Variants in ADGRG5 observed in about 807,000 individuals in gnomAD.
ADGRG5 encodes the protein G protein-coupled receptor 114.
ADGRG5 carries 37 observed loss-of-function variants against 53.2 expected under a neutral mutation model. The observed-to-expected ratio is 0.70, with a 90% CI of 0.53 to 0.91. The LOEUF (loss-of-function observed/expected upper bound fraction) is 0.91, where lower values mean the gene tolerates loss of function less well. Among genes scored for constraint, ADGRG5 ranks in the 40% least tolerant of loss-of-function variants. ADGRG5 has a pLI of 0.00. For missense variants in ADGRG5, 614 were observed against 675.8 expected (o/e 0.91, Z 1.01); for synonymous variants, 277 against 290.4 (o/e 0.95, Z 0.47).
intron 1 of ADGRG5, among the ~76,000 whole-genome samples, chr16:57,558,843 T>TTC (rs2032937914): frequency 1.3e-5 from 2 of 151,826 alleles, no homozygotes; most frequent in East Asian, 3.9e-4. Flanking sequence ...TGGCTTTTTT[T>TTC]TTTTTTTTGG....
upstream of ADGRG5, among the ~76,000 whole-genome samples, chr16:57,541,777 C>G (rs976743300): frequency 1.1e-4 from 16 of 152,340 alleles, no homozygotes; most frequent in South Asian, 2.9e-3. Flanking sequence ...CCAACACTCT[C>G]TCTCTATCCC....
At chr16:57,537,978 C>T (rs1200389840), upstream of ADGRG5, among the ~76,000 whole-genome samples, 1 of 152,100 alleles carries the variant, frequency 6.6e-6, no homozygotes, top group African/African-American at 2.4e-5. Flanking sequence ...GGTCCTACAG[C>T]CAGTAACAGC....
At chr16:57,548,706 A>T (rs956430520) in intron 1 of ADGRG5, among the ~76,000 whole-genome samples, 5 of 133,752 alleles carry the variant, frequency 3.7e-5, no homozygotes, top group Admixed American at 8.4e-5. Flanking sequence ...AGCATGCAAC[A>T]TTTTGAGATT....
At chr16:57,537,693 G>C (rs8061658), upstream of ADGRG5, among the ~76,000 whole-genome samples, 2,993 of 152,156 alleles carry the variant, frequency 0.02, 66 homozygotes, top group South Asian at 0.068. Flanking sequence ...CCTTGCAGAC[G>C]TTCCCTTTCT....
chr16:57,575,365 G>A (rs1002416998), intron 11 of ADGRG5, 73 bp from the exon 12 acceptor site: 29 of 1,411,514 alleles, frequency 2.1e-5, no homozygotes, highest in South Asian at 1.4e-4. Flanking sequence ...AGGCCAGCTC[G>A]CTGCAGCCAA....
At chr16:57,532,572 C>T in the ADGRG5 span, among the ~76,000 whole-genome samples, 3 of 152,128 alleles carry the variant, frequency 2.0e-5, no homozygotes, top group Admixed American at 6.5e-5. Context: ...AGGCACACAA[C>T]GACACGGGTG....
chr16:57,564,072 C>T (rs2033071026), intron 5 of ADGRG5, 93 bp downstream of exon 5: 2 of 1,419,018 alleles, frequency 1.4e-6, no homozygotes, highest in African/African-American at 2.8e-5. Context: ...TCTGGGTGAC[C>T]AGCACTGAGT....
At chr16:57,565,999 C>T (rs2033122223) in intron 6 of ADGRG5, 1 of 152,442 alleles carries the variant, frequency 6.6e-6, no homozygotes, top group African/African-American at 2.4e-5. Context: ...ACTATGGTTC[C>T]CTCCACCTGG....
chr16:57,565,555 TC>T (rs2033111986), intron 6 of ADGRG5: 1 of 294,016 alleles, frequency 3.4e-6, no homozygotes, highest in African/African-American at 2.2e-5. Context: ...GAGCCAGACT[TC>T]CTTTCCCTCT....
intron 1 of ADGRG5, among the ~76,000 whole-genome samples, chr16:57,550,569 A>T (rs1427475696): frequency 6.6e-6 from 1 of 152,148 alleles, no homozygotes; most frequent in Non-Finnish European, 1.5e-5. Flanking sequence ...GTTTCTAAGA[A>T]ATCTTTGCAT....
At chr16:57,554,400 G>A (rs1219294931) in intron 1 of ADGRG5, among the ~76,000 whole-genome samples, 11 of 148,708 alleles carry the variant, frequency 7.4e-5, no homozygotes, top group East Asian at 5.9e-4. Flanking sequence ...TTTTCGAGAC[G>A]GAGTCTTGCT....
chr16:57,547,004 A>C (rs2032635156), intron 1 of ADGRG5, among the ~76,000 whole-genome samples: 1 of 151,952 alleles, frequency 6.6e-6, no homozygotes, highest in Non-Finnish European at 1.5e-5. Context: ...GAGCCACTGC[A>C]CCTGGCCTGT....
At chr16:57,571,415 C>G (rs1194996152) in intron 10 of ADGRG5, among the ~76,000 whole-genome samples, 1 of 151,746 alleles carries the variant, frequency 6.6e-6, no homozygotes, top group Non-Finnish European at 1.5e-5. Flanking sequence ...GGTCCAGAGC[C>G]TGGCCCCCAG....
chr16:57,572,816 G>C (rs1426037167), intron 10 of ADGRG5, among the ~76,000 whole-genome samples: 1 of 152,268 alleles, frequency 6.6e-6, no homozygotes, highest in Non-Finnish European at 1.5e-5. Context: ...AAAGTGAGTG[G>C]TCGCCTACCA....
In ADGRG5 at chr16:57,562,160, A is replaced by G; in HGVS notation, c.64+3A>G. Reference sequence around the variant, plus strand: ...GACTTTGCAGAATGCAACAACAGGTAAGGGGGCTCTGCTGAACTGGGGGCA... The same window carrying G: ...GACTTTGCAGAATGCAACAACAGGTGAGGGGGCTCTGCTGAACTGGGGGCA... On this transcript the variant is annotated splice_donor_region_variant and intron_variant, in intron 2 of 11. Coordinates refer to ENST00000349457, the MANE Select transcript of ADGRG5 (RefSeq NM_001304376.3). 6.3e-7 allele frequency: 1 copy of G among 1,598,578 alleles called. No individual in the cohort carries two copies. The highest frequency in any genetic ancestry group is 2.2e-5 in the East Asian group (1 of 44,522).
At chr16:57,568,481 C>T (rs1434802086) in intron 9 of ADGRG5, among the ~76,000 whole-genome samples, 1 of 151,378 alleles carries the variant, frequency 6.6e-6, no homozygotes, top group Non-Finnish European at 1.5e-5. Flanking sequence ...TCTGTTATCG[C>T]CATCACCTCC....
At position 57,575,088 on chromosome 16, in the gene ADGRG5, C is replaced by G. The variant is rs16957788; in HGVS notation, c.1482C>G (p.Leu494=). 77,427 of 1,611,432 alleles carry G rather than the reference C, an allele frequency of 0.048. 4,297 individuals carry two copies. The highest frequency in any genetic ancestry group is 0.33 in the East Asian group (14,949 of 44,840). ...QLFLFTILNS[L]YGFFLFLWFC... Reference sequence around the variant, plus strand: ...TCCTCTTCACCATCTTAAACTCGCTCTACGGTAGGGCTGGAGGGCGGCCTG... The same window carrying G: ...TCCTCTTCACCATCTTAAACTCGCTGTACGGTAGGGCTGGAGGGCGGCCTG... The change falls in exon 11 of 12, where the codon CTC becomes CTG. Residue 494 remains leucine, a synonymous_variant. Coordinates refer to ENST00000349457, the MANE Select transcript of ADGRG5 (RefSeq NM_001304376.3).
the ADGRG5 span, among the ~76,000 whole-genome samples, chr16:57,534,024 A>G: frequency 2.0e-5 from 3 of 152,224 alleles, no homozygotes; most frequent in Non-Finnish European, 4.4e-5. Flanking sequence ...CTGCCTCCCA[A>G]CAGCCAGACA....
rs752581765 is a variant in ADGRG5, at chr16:57,566,660, G to A, written c.608G>A (p.Gly203Asp). The change falls in exon 7 of 12, where the codon GGC becomes GAC. Residue 203 changes from glycine (G) to aspartate (D), a missense_variant. Gly to Asp is a moderately conservative substitution (Grantham distance 94, BLOSUM62 -1). Transcript: ENST00000349457. ...KEGARKQPWG[G>D]WSPEGCRTEQ... ...GGAGCCAGGAAACAGCCCTGGGGGG[G>A]CTGGAGCCCTGAGGGCTGTCGTACA... 2 of 1,591,816 alleles carry A rather than the reference G, an allele frequency of 1.3e-6. No individual in the cohort carries two copies. Among genetic ancestry groups the A allele is most frequent in the African/African-American group, 1.4e-5 (1 of 73,960 alleles).
Sources: allele counts gnomAD v4.1 joint callset (sites outside exome capture counted in the v4.1 genomes callset), GRCh38; gene constraint gnomAD v4.1.1; transcripts MANE v1.5; gene names NCBI Gene and HGNC (gene_info 2026-07-23, HGNC 2026-07-21).